LASP1: variants seen among roughly 807,000 people sequenced by gnomAD.
LASP1 encodes the protein LIM and SH3 domain protein 1.
LASP1 carries 10 observed loss-of-function variants against 38.6 expected under a neutral mutation model. The observed-to-expected ratio is 0.26, with a 90% CI of 0.16 to 0.44. The LOEUF is 0.44. Ranked by LOEUF, LASP1 falls within the 20% of genes least tolerant of loss-of-function variation. LASP1 has a pLI of 1.00. For missense variants in LASP1, 243 were observed against 375.7 expected, an observed-to-expected ratio of 0.65 and a Z score of 2.92; for synonymous variants, 132 against 140.8, an observed-to-expected ratio of 0.94 and a Z score of 0.44.
intron 3 of LASP1, among the ~76,000 whole-genome samples, chr17:38,892,513 G>A (rs226231): frequency 0.21 from 32,338 of 151,580 alleles, 4,177 homozygotes; most frequent in East Asian, 0.37. Context: ...GAAGGACCTC[G>A]GAGAAGAGGT....
In LASP1 at chr17:38,894,388, A is replaced by C. The variant is rs543824612; in HGVS notation, c.249+3884A>C. Among the ~76,000 whole-genome samples, 3 of 151,910 alleles carry C rather than the reference A, an allele frequency of 2.0e-5. No individual in the cohort carries two copies. In the East Asian group the frequency reaches 5.8e-4, roughly 30 times the overall value. The stretch of plus-strand genomic sequence containing the variant: ...TAAGCAGCACGGGTGGTAGAGTATC[A>C]CTCTTACCCGAACTAGCTGGCCTGA... On this transcript the variant is annotated intron_variant, in intron 3 of 6. Transcript: ENST00000318008.
chr17:38,896,091 G>GGCAAGCACTCCTGCCGGA (rs1260679181), intron 3 of LASP1, among the ~76,000 whole-genome samples: 3 of 152,168 alleles, frequency 2.0e-5, no homozygotes, highest in Non-Finnish European at 4.4e-5. Flanking sequence ...AGACAACAGG[G>GGCAAGCACTCCTGCCGGA]GCAAGCACTC....
Position 38,914,466 on chromosome 17 carries a change from A to T in LASP1, c.499A>T (p.Ser167Cys). 1 of 1,605,512 alleles carries T rather than the reference A, an allele frequency of 6.2e-7. No homozygotes were observed. ...EQQQPHHIPT[S>C]APVYQQPQQQ... Reference sequence around the variant, plus strand: ...GCAGCAGCCTCACCACATCCCGACCAGTGCCCCGGGTGAGTGCAGGTCCTG... The same window carrying T: ...GCAGCAGCCTCACCACATCCCGACCTGTGCCCCGGGTGAGTGCAGGTCCTG... Residue 167 changes from serine to cysteine, a missense_variant, in exon 5 of 7, where the codon AGT (serine) becomes TGT (cysteine). Around this residue, in one of 4 missense-constraint regions of LASP1, gnomAD observed 165 missense variants for 210.3 expected, o/e 0.78. Transcript: ENST00000318008.
At chr17:38,913,873 G>A (rs1915029222) in intron 4 of LASP1, among the ~76,000 whole-genome samples, 1 of 152,062 alleles carries the variant, frequency 6.6e-6, no homozygotes, top group African/African-American at 2.4e-5. Flanking sequence ...GTAGTGGCAG[G>A]CGCCTGTAAT....
intron 4 of LASP1, among the ~76,000 whole-genome samples, chr17:38,908,038 C>T (rs762398817): frequency 6.6e-6 from 1 of 152,214 alleles, no homozygotes; most frequent in Non-Finnish European, 1.5e-5. Flanking sequence ...AGGGACTGAG[C>T]CTGTGGGGTC....
chr17:38,875,876 G>A (rs1210932808), intron 1 of LASP1, among the ~76,000 whole-genome samples: 2 of 152,122 alleles, frequency 1.3e-5, no homozygotes, highest in African/African-American at 2.4e-5. Context: ...CTCTGTGGCT[G>A]GGCTCCTTCA....
chr17:38,905,073 G>C (rs535072865), intron 4 of LASP1, among the ~76,000 whole-genome samples: 5 of 152,302 alleles, frequency 3.3e-5, no homozygotes, highest in East Asian at 1.9e-4. Context: ...TGTAGCGGTA[G>C]TACATCCTTT....
At chr17:38,915,370 C>T (rs534777834) in intron 6 of LASP1, 12 of 420,810 alleles carry the variant, frequency 2.9e-5, no homozygotes, top group Admixed American at 1.5e-4. Flanking sequence ...GGGCAGGTTG[C>T]TCACCCTGCT....
At chr17:38,885,590 C>T (rs894328393) in intron 2 of LASP1, among the ~76,000 whole-genome samples, 8 of 152,204 alleles carry the variant, frequency 5.3e-5, no homozygotes, top group Non-Finnish European at 5.9e-5. Flanking sequence ...ACAGGCTGGC[C>T]TATGGGACAA....
chr17:38,873,434 G>A (rs912463740), intron 1 of LASP1, among the ~76,000 whole-genome samples: 4 of 152,230 alleles, frequency 2.6e-5, no homozygotes, highest in African/African-American at 9.6e-5. Flanking sequence ...TGGAGGCTCA[G>A]GTAGCCCATG....
At chr17:38,884,680 C>T (rs947605226) in intron 2 of LASP1, among the ~76,000 whole-genome samples, 6 of 145,244 alleles carry the variant, frequency 4.1e-5, no homozygotes, top group Admixed American at 1.4e-4. Context: ...TGAGCCACCA[C>T]GTCCGGCTTT....
chr17:38,918,667 C>A lies in LASP1; in HGVS notation c.675C>A (p.Asp225Glu). The change falls in exon 7 of 7, where the codon GAC (aspartate) becomes GAA (glutamate). Residue 225 changes from aspartate (D) to glutamate (E), a missense_variant. Transcript: ENST00000318008. This position sits in a 1 kb window ranked among gnomAD's most constrained non-coding sequence, Gnocchi z 4.4. Reference protein sequence around the residue: ...AADEDEVSFQDGDTIVNVQQI... With the variant: ...AADEDEVSFQEGDTIVNVQQI... ...ACGAGGACGAGGTCTCCTTCCAGGA[C>A]GGGGACACCATCGTCAACGTGCAGC... The A allele has an allele frequency of 6.2e-7, 1 of 1,613,680 alleles. No homozygotes were observed. The highest frequency in any genetic ancestry group is 8.5e-7 in the Non-Finnish European group (1 of 1,179,738).
intron 3 of LASP1, 102 bp from the exon 4 acceptor site, chr17:38,898,310 C>A (rs1260165276): frequency 3.0e-6 from 2 of 666,442 alleles, no homozygotes; most frequent in Admixed American, 2.8e-5. Context: ...CTGCTGACTC[C>A]CTGTCCCTGT....
chr17:38,892,704 A>G (rs970967831), intron 3 of LASP1, among the ~76,000 whole-genome samples: 1 of 152,180 alleles, frequency 6.6e-6, no homozygotes, highest in African/African-American at 2.4e-5. Context: ...TTGAGGAGGA[A>G]GCACCTCCAC....
chr17:38,914,560 T>C, intron 5 of LASP1, 85 bp downstream of exon 5: 1 of 1,447,536 alleles, frequency 6.9e-7, no homozygotes, highest in Non-Finnish European at 9.3e-7. Flanking sequence ...GACAGACAGA[T>C]ACACCTTCCG....
chr17:38,914,908 A>T, intron 5 of LASP1, 135 bp from the exon 6 acceptor site: 1 of 778,298 alleles, frequency 1.3e-6, no homozygotes, highest in Non-Finnish European at 2.2e-6. Flanking sequence ...ACACGTGGAC[A>T]TCAGCCTTTG....
intron 4 of LASP1, among the ~76,000 whole-genome samples, chr17:38,912,530 C>T (rs754487940): frequency 6.6e-6 from 1 of 152,138 alleles, no homozygotes; most frequent in East Asian, 1.9e-4. Flanking sequence ...AGGAGTCACC[C>T]GTGATTCTCC....
chr17:38,910,784 G>A (rs1272087304), intron 4 of LASP1, among the ~76,000 whole-genome samples: 3 of 143,960 alleles, frequency 2.1e-5, no homozygotes, highest in Non-Finnish European at 3.0e-5. Flanking sequence ...GTGCAATGGC[G>A]TGATCTTGGC....
At chr17:38,895,330 T>G (rs1040204714) in intron 3 of LASP1, among the ~76,000 whole-genome samples, 3 of 147,774 alleles carry the variant, frequency 2.0e-5, no homozygotes, top group Non-Finnish European at 4.5e-5. Context: ...AATTTTTGTG[T>G]TTTTTTTTTA....
Sources: gnomAD v4.1 joint callset for allele counts (sites outside exome capture counted in the v4.1 genomes callset) on GRCh38, gnomAD v4.1.1 for gene constraint, gnomAD v4.1.1 regional missense constraint, Gnocchi (gnomAD v3.1) non-coding constraint, MANE v1.5 for transcripts, NCBI Gene and HGNC (gene_info 2026-07-23, HGNC 2026-07-21) for gene names.